Variants in PCDHGA9 observed in about 807,000 individuals in gnomAD.
PCDHGA9 encodes the protein protocadherin gamma subfamily A, 9, also known as protocadherin gamma-A9.
A neutral mutation model predicts 62.5 loss-of-function variants in PCDHGA9; 37 were observed. The ratio of observed to expected loss-of-function variants is 0.59; its 90% CI spans 0.46 to 0.78. PCDHGA9 has a LOEUF of 0.78. PCDHGA9 is among the 30% of genes least tolerant of loss of function. PCDHGA9 has a pLI of 0.00. For missense variants in PCDHGA9, 1,138 were observed against 1,166.2 expected (o/e 0.98, Z 0.35); for synonymous variants, 459 against 484.6 (o/e 0.95, Z 0.69).
chr5:141,500,104 T>G (rs917633032), intron 2 of PCDHGA9, among the ~76,000 whole-genome samples: 4 of 152,124 alleles, frequency 2.6e-5, no homozygotes, highest in Non-Finnish European at 4.4e-5. Flanking sequence ...AATTTATTTG[T>G]TGAATCCCTG....
At chr5:141,463,103 A>G (rs1235750988) in intron 1 of PCDHGA9, among the ~76,000 whole-genome samples, 1 of 152,206 alleles carries the variant, frequency 6.6e-6, no homozygotes, top group African/African-American at 2.4e-5. Context: ...GTGACCATCA[A>G]GAATTCAGCT....
chr5:141,407,618 T>C (rs2094961239), intron 1 of PCDHGA9, among the ~76,000 whole-genome samples: 1 of 152,204 alleles, frequency 6.6e-6, no homozygotes, highest in South Asian at 2.1e-4. Context: ...TTGGTTGACA[T>C]TCTATATCTC....
At chr5:141,454,796 ATTTTTTT>A (rs61612330) in intron 1 of PCDHGA9, among the ~76,000 whole-genome samples, 2,943 of 77,244 alleles carry the variant, frequency 0.038, 52 homozygotes, top group African/African-American at 0.09. Context: ...CATGGTTCTA[ATTTTTTT>A]TTTTTTTTTT....
At chr5:141,461,011 A>G (rs971172615) in intron 1 of PCDHGA9, among the ~76,000 whole-genome samples, 2 of 151,288 alleles carry the variant, frequency 1.3e-5, no homozygotes, top group Non-Finnish European at 2.9e-5. Context: ...ATATATATAT[A>G]CCACATTTTC....
rs572603287 is a variant in PCDHGA9 at position 141,477,037 on chromosome 5, G to T, written c.2425-17770G>T. 19 of 1,614,266 alleles carry T rather than the reference G, an allele frequency of 1.2e-5. No homozygotes were observed. In the East Asian group the frequency reaches 3.8e-4, roughly 32 times the overall value. Reference sequence around the variant, plus strand: ...TTGTAACCGGGATGCTGACAATCAAGGGTCGGCTGGACTTCGAGGACACCA... The same window carrying T: ...TTGTAACCGGGATGCTGACAATCAATGGTCGGCTGGACTTCGAGGACACCA... On this transcript the variant is annotated intron_variant, in intron 1 of 3. Transcript: ENST00000573521. The surrounding 1 kb of genome is among the most constrained non-coding windows in gnomAD (Gnocchi z 4.9).
rs377367120 is a variant in PCDHGA9, at chr5:141,431,614, C to A, written c.2424+26238C>A. On this transcript the variant is annotated intron_variant, in intron 1 of 3. Transcript: ENST00000573521. The surrounding 1 kb of genome is among the most constrained non-coding windows in gnomAD (Gnocchi z 4.8). ...TGAGGTATTCCTTCCGGTATGTGGA[C>A]GACAAGGCGGCCCAAGTTTTCAAAC... The A allele has an allele frequency of 8.7e-6, 14 of 1,614,206 alleles. No individual in the cohort carries two copies. In the African/African-American group the frequency reaches 1.6e-4, roughly 18 times the overall value.
intron 1 of PCDHGA9, chr5:141,419,888 G>A: frequency 6.2e-7 from 1 of 1,614,056 alleles, no homozygotes; most frequent in Non-Finnish European, 8.5e-7. Context: ...GGATTTCAGC[G>A]ACCATCCCAC....
rs763160633 is a variant in PCDHGA9 at position 141,418,261 on chromosome 5, G to A, written c.2424+12885G>A. 3 of 1,614,056 alleles carry A rather than the reference G, an allele frequency of 1.9e-6. No homozygotes were observed. In the South Asian group the frequency reaches 3.3e-5, roughly 18 times the overall value. Reference sequence around the variant, plus strand: ...TTAATGACCACGCCCCTCAATTCCGGAAAGATGAAATAAACTTAGAAATCA... The same window carrying A: ...TTAATGACCACGCCCCTCAATTCCGAAAAGATGAAATAAACTTAGAAATCA... On this transcript the variant is annotated intron_variant, in intron 1 of 3. Coordinates refer to ENST00000573521, the MANE Select transcript of PCDHGA9 (RefSeq NM_018921.3).
chr5:141,403,582 G>T lies in PCDHGA9; in HGVS notation c.630G>T (p.Leu210=). The change falls in exon 1 of 4, where the codon CTG becomes CTT. Residue 210 remains leucine (L), a synonymous_variant. Transcript: ENST00000573521. Reference sequence around the variant, plus strand: ...GGGAGGAGGCAACTGCCCACCACCTGGTCCTCACGGCCTCGGATGGCGGCG... The same window carrying T: ...GGGAGGAGGCAACTGCCCACCACCTTGTCCTCACGGCCTCGGATGGCGGCG... ...LDREEATAHH[L]VLTASDGGEP... is the part of the protein sequence containing the mutation. 6.2e-7 allele frequency: 1 copy of T among 1,613,910 alleles called. No individual in the cohort carries two copies.
chr5:141,413,351 C>A (rs774333807), intron 1 of PCDHGA9: 6 of 1,613,932 alleles, frequency 3.7e-6, no homozygotes, highest in South Asian at 1.1e-5. Flanking sequence ...TTGGGTCTGG[C>A]GCCCCGGGAG....
rs750164473 is a variant in PCDHGA9 at position 141,432,286 on chromosome 5, C to G, written c.2424+26910C>G. Reference sequence around the variant, plus strand: ...TATCGTCCTACGTGTCCATCAACTCCGACACTGGGGTACTGTATGCGCTGA... The same window carrying G: ...TATCGTCCTACGTGTCCATCAACTCGGACACTGGGGTACTGTATGCGCTGA... On this transcript the variant is annotated intron_variant, in intron 1 of 3. Transcript: ENST00000573521. This position sits in a 1 kb window ranked among gnomAD's most constrained non-coding sequence, Gnocchi z 6.0. The G allele has an allele frequency of 6.2e-7, 1 of 1,614,252 alleles. No homozygotes were observed. The highest frequency in any genetic ancestry group is 1.3e-5 in the African/African-American group (1 of 75,070).
chr5:141,454,779 A>G (rs1387404898), intron 1 of PCDHGA9, among the ~76,000 whole-genome samples: 2 of 146,092 alleles, frequency 1.4e-5, no homozygotes, highest in African/African-American at 2.6e-5. Context: ...ACAAGGAAAT[A>G]ATCCTCCATG....
At chr5:141,412,057 T>C (rs1426056647) in intron 1 of PCDHGA9, 1 of 152,202 alleles carries the variant, frequency 6.6e-6, no homozygotes, top group Non-Finnish European at 1.5e-5. Flanking sequence ...TCTATACCCT[T>C]TGCATTTGAG....
At chr5:141,454,870 C>T (rs2098805291) in intron 1 of PCDHGA9, among the ~76,000 whole-genome samples, 1 of 131,902 alleles carries the variant, frequency 7.6e-6, no homozygotes, top group Non-Finnish European at 1.5e-5. Context: ...TGCAGTGGCA[C>T]GATCTTGGCT....
intron 1 of PCDHGA9, among the ~76,000 whole-genome samples, chr5:141,451,719 TA>T (rs2098722539): frequency 6.6e-6 from 1 of 152,016 alleles, no homozygotes; most frequent in Non-Finnish European, 1.5e-5. Flanking sequence ...CTGCCTCTAC[TA>T]AAAATACAAA....
At chr5:141,415,738 AGGTTTT>A in intron 1 of PCDHGA9, 1 of 538,082 alleles carries the variant, frequency 1.9e-6, no homozygotes, top group South Asian at 3.9e-5. Flanking sequence ...ATGTTTATTA[AGGTTTT>A]TTTTTTTTTT....
intron 1 of PCDHGA9, among the ~76,000 whole-genome samples, chr5:141,436,713 G>C (rs2097842329): frequency 6.6e-6 from 1 of 152,308 alleles, no homozygotes; most frequent in East Asian, 1.9e-4. Flanking sequence ...TCGATGTTCT[G>C]TTGGGAAAAA....
chr5:141,473,193 A>G (rs938175797), intron 1 of PCDHGA9, among the ~76,000 whole-genome samples: 2 of 152,232 alleles, frequency 1.3e-5, no homozygotes, highest in African/African-American at 4.8e-5. Flanking sequence ...GAGTAAATGT[A>G]TCTTCTAAAA....
In PCDHGA9 at chr5:141,486,194, C is replaced by A. The variant is rs1248456800; in HGVS notation, c.2425-8613C>A. The A allele has an allele frequency of 6.2e-7, 1 of 1,614,196 alleles. No individual in the cohort carries two copies. Among genetic ancestry groups the A allele is most frequent in the Non-Finnish European group, 8.5e-7 (1 of 1,180,026 alleles). ...ACATTGCAGCCTTCGAGTGGATCTG[C>A]TGGACGTAAATGACAATGCCCCTTA... On this transcript the variant is annotated intron_variant, in intron 1 of 3. Transcript: ENST00000573521. The surrounding 1 kb of genome is among the most constrained non-coding windows in gnomAD (Gnocchi z 5.0).
Sources: allele counts gnomAD v4.1 joint callset (sites outside exome capture counted in the v4.1 genomes callset), GRCh38; gene constraint gnomAD v4.1.1; non-coding constraint Gnocchi (gnomAD v3.1); transcripts MANE v1.5; gene names NCBI Gene and HGNC (gene_info 2026-07-23, HGNC 2026-07-21).